Variants in PRDM2 observed in about 807,000 individuals in gnomAD.
The protein encoded by PRDM2 is PR/SET domain 2, also known as PR domain zinc finger protein 2.
In PRDM2, 30 loss-of-function variants were observed where a neutral mutation model predicts 130.0. That is an observed-to-expected ratio of 0.23 (90% CI 0.17 to 0.31). The LOEUF (loss-of-function observed/expected upper bound fraction) is 0.31. Among genes scored for constraint, PRDM2 ranks in the 10% least tolerant of loss-of-function variants. PRDM2 has a pLI of 1.00. For synonymous variants in PRDM2, 871 were observed against 782.4 expected (o/e 1.11, Z -1.89); for missense variants, 2,011 against 2,108.4 (o/e 0.95, Z 0.90).
chr1:13,742,064 C>G lies in PRDM2; in HGVS notation c.291C>G (p.Asn97Lys). ...ATGCCACTGATCCAGAGAAGGGAAACTGGCTGCGATATGTGAATTGGGCTT... is the reference window on the plus strand; with the variant it reads ...ATGCCACTGATCCAGAGAAGGGAAAGTGGCTGCGATATGTGAATTGGGCTT... ...CIDATDPEKG[N>K]WLRYVNWACS... Residue 97 changes from asparagine (N) to lysine (K), a missense_variant, in exon 5 of 10, where the codon AAC (asparagine) becomes AAG (lysine). This residue lies in a region of PRDM2 where 1,288 missense variants were observed against 1,237.7 expected (regional missense o/e 1.04). Transcript: ENST00000311066. 6.2e-7 allele frequency: 1 copy of G among 1,603,224 alleles called. No homozygotes were observed. Among genetic ancestry groups the G allele is most frequent in the Non-Finnish European group, 8.5e-7 (1 of 1,170,132 alleles).
chr1:13,728,361 C>G (rs1642993715), intron 2 of PRDM2, among the ~76,000 whole-genome samples: 1 of 152,156 alleles, frequency 6.6e-6, no homozygotes, highest in Non-Finnish European at 1.5e-5. Context: ...TGAAGGAGAA[C>G]CAAGGAAGAA....
chr1:13,811,758 A>T (rs930090931), intron 8 of PRDM2, among the ~76,000 whole-genome samples: 9 of 152,242 alleles, frequency 5.9e-5, no homozygotes, highest in African/African-American at 2.2e-4. Context: ...AGTCACAGAA[A>T]GACAGAAGGA....
chr1:13,733,361 C>CATGTTTTAT (rs1446091617), intron 4 of PRDM2, among the ~76,000 whole-genome samples: 2 of 152,194 alleles, frequency 1.3e-5, no homozygotes, highest in Non-Finnish European at 2.9e-5. Flanking sequence ...AGTTTTTCAT[C>CATGTTTTAT]TATTAATTTC....
chr1:13,760,295 G>A (rs902701890), intron 6 of PRDM2, among the ~76,000 whole-genome samples: 1 of 151,966 alleles, frequency 6.6e-6, no homozygotes, highest in Non-Finnish European at 1.5e-5. Context: ...AATGATTCTT[G>A]TGCTTCCCCC....
At chr1:13,740,607 C>T (rs115723647) in intron 4 of PRDM2, among the ~76,000 whole-genome samples, 2,232 of 152,210 alleles carry the variant, frequency 0.015, 26 homozygotes, top group South Asian at 0.036. Context: ...AGATCTGAGT[C>T]GAAGCCTTTC....
At chr1:13,787,757 T>C in intron 8 of PRDM2, 2 of 983,704 alleles carry the variant, frequency 2.0e-6, no homozygotes, top group Non-Finnish European at 2.4e-6. Flanking sequence ...TATTGAACTT[T>C]GCTGTTAGTT....
At chr1:13,701,093 G>A (rs1239900740) in intron 1 of PRDM2, among the ~76,000 whole-genome samples, 1 of 152,168 alleles carries the variant, frequency 6.6e-6, no homozygotes, top group East Asian at 1.9e-4. Context: ...CTGCGGCAAA[G>A]ACCCCATAGT....
chr1:13,747,143 T>C (rs1222370012), intron 5 of PRDM2, among the ~76,000 whole-genome samples: 1 of 152,234 alleles, frequency 6.6e-6, no homozygotes, highest in African/African-American at 2.4e-5. Context: ...CTTGAAAATG[T>C]CCGGTGGTAT....
intron 5 of PRDM2, among the ~76,000 whole-genome samples, chr1:13,745,350 A>C (rs1424910899): frequency 1.3e-5 from 2 of 152,080 alleles, no homozygotes; most frequent in Non-Finnish European, 2.9e-5. Context: ...CTGGCCATGC[A>C]AAAGGTCTGC....
At chr1:13,730,514 A>G (rs1255024211) in intron 2 of PRDM2, among the ~76,000 whole-genome samples, 1 of 152,100 alleles carries the variant, frequency 6.6e-6, no homozygotes, top group Admixed American at 6.5e-5. Flanking sequence ...CCATCCAGTT[A>G]GGGGTTGTTG....
chr1:13,715,690 A>G (rs1029307070), intron 2 of PRDM2, 76 bp downstream of exon 2: 9 of 1,275,364 alleles, frequency 7.1e-6, no homozygotes, highest in Non-Finnish European at 8.7e-6. Flanking sequence ...ACAAGATAGT[A>G]GCACACACAT....
chr1:13,765,975 A>G lies in PRDM2; in HGVS notation c.512-7103A>G, dbSNP rs536576466. Among the ~76,000 whole-genome samples the G allele has an allele frequency of 7.2e-5, 11 of 152,332 alleles. 1 individual carries two copies. The highest frequency in any genetic ancestry group is 7.2e-4 in the Admixed American group (11 of 15,300). ...AACCAGATGTATCCTGAGTGATACT[A>G]GTGCCACAGCTGGCCTGCTGTCACG... On this transcript the variant is annotated intron_variant, in intron 6 of 9. Transcript: ENST00000311066.
intron 8 of PRDM2, among the ~76,000 whole-genome samples, chr1:13,811,994 G>A (rs767004168): frequency 1.3e-5 from 2 of 152,242 alleles, no homozygotes; most frequent in Non-Finnish European, 2.9e-5. Flanking sequence ...CACAGAGTGC[G>A]TGAGGGGACT....
intron 8 of PRDM2, among the ~76,000 whole-genome samples, chr1:13,792,457 C>G (rs1570059754): frequency 6.6e-6 from 1 of 152,202 alleles, no homozygotes; most frequent in African/African-American, 2.4e-5. Context: ...ATTTAAAACT[C>G]ATGGATTCAA....
Position 13,781,833 on chromosome 1 carries a change from G to T in PRDM2, c.4038G>T (p.Pro1346=). 4 of 1,614,090 alleles carry T rather than the reference G, an allele frequency of 2.5e-6. No individual in the cohort carries two copies. In the East Asian group the frequency reaches 8.9e-5, roughly 36 times the overall value. ...GTGGAAAAGGTGTCGACAATATGCC[G>T]GAGTTGCACAAACATATCCTGGCTT... is the stretch of plus-strand genomic sequence containing the variant. The part of the protein sequence containing the change: ...TKCGKGVDNM[P]ELHKHILACA... The change falls in exon 8 of 10, where the codon CCG becomes CCT. Residue 1346 remains proline (P), a synonymous_variant. Coordinates refer to ENST00000311066, the MANE Select transcript of PRDM2 (RefSeq NM_001393986.1). The surrounding 1 kb of genome is among the most constrained non-coding windows in gnomAD (Gnocchi z 6.1).
chr1:13,813,843 G>A (rs1470164921), intron 8 of PRDM2, among the ~76,000 whole-genome samples: 2 of 152,236 alleles, frequency 1.3e-5, no homozygotes, highest in Non-Finnish European at 2.9e-5. Flanking sequence ...ATCCGCAGGA[G>A]CCCAGGCGGA....
chr1:13,711,321 G>T (rs1469329608), intron 1 of PRDM2, among the ~76,000 whole-genome samples: 1 of 152,184 alleles, frequency 6.6e-6, no homozygotes, highest in Non-Finnish European at 1.5e-5. Flanking sequence ...CGGGGGTTTT[G>T]AGCAGTGCTG....
Position 13,780,424 on chromosome 1 carries a change from G to T in PRDM2, c.2629G>T (p.Ala877Ser), listed in dbSNP as rs368144576. The T allele has an allele frequency of 1.2e-5, 19 of 1,614,088 alleles. No homozygotes were observed. Among genetic ancestry groups the T allele is most frequent in the Non-Finnish European group, 1.4e-5 (17 of 1,180,052 alleles). Residue 877 changes from alanine to serine, a missense_variant, in exon 8 of 10, where the codon GCT (alanine) becomes TCT (serine). By Grantham distance (99) the Ala-to-Ser change is moderately conservative (BLOSUM62 1). Transcript: ENST00000311066. ...TCATTCAGTGCAGCCTACGTGTAGT[G>T]CTGTAAAGAAAAGGAAACCAACCAC... The part of the protein sequence containing the change: ...ESHSVQPTCS[A>S]VKKRKPTTCM...
At chr1:13,813,681 C>T (rs953700801) in intron 8 of PRDM2, among the ~76,000 whole-genome samples, 5 of 152,156 alleles carry the variant, frequency 3.3e-5, no homozygotes, top group African/African-American at 1.2e-4. Flanking sequence ...TGTTGGCTGC[C>T]GTGGTCCTCC....
Sources: allele counts gnomAD v4.1 joint callset (sites outside exome capture counted in the v4.1 genomes callset), GRCh38; gene constraint gnomAD v4.1.1; regional missense constraint gnomAD v4.1.1; non-coding constraint Gnocchi (gnomAD v3.1); transcripts MANE v1.5; gene names NCBI Gene and HGNC (gene_info 2026-07-23, HGNC 2026-07-21).